The following CNST variants were observed in gnomAD, a reference collection of about 807,000 sequenced individuals.
CNST encodes the protein consortin.
A neutral mutation model predicts 72.4 loss-of-function variants in CNST; 39 were observed. The observed-to-expected ratio is 0.54, with a 90% CI of 0.42 to 0.70. CNST has a LOEUF of 0.70. Ranked by LOEUF, CNST falls within the 30% of genes least tolerant of loss-of-function variation. CNST has a pLI of 0.00. For missense variants in CNST, 871 were observed against 868.5 expected, an observed-to-expected ratio of 1.00 and a Z score of -0.04; for synonymous variants, 332 against 320.1, an observed-to-expected ratio of 1.04 and a Z score of -0.40.
intron 6 of CNST, among the ~76,000 whole-genome samples, chr1:246,634,862 G>A (rs1426626861): frequency 6.6e-6 from 1 of 152,114 alleles, no homozygotes; most frequent in Non-Finnish European, 1.5e-5. Flanking sequence ...GGACGGGGCA[G>A]GGGTTTTACA....
intron 2 of CNST, among the ~76,000 whole-genome samples, chr1:246,605,422 T>G (rs1167289824): frequency 6.6e-6 from 1 of 152,176 alleles, no homozygotes; most frequent in Non-Finnish European, 1.5e-5. Flanking sequence ...AAGGCTCTAA[T>G]ATCAGTTGGA....
intron 3 of CNST, among the ~76,000 whole-genome samples, chr1:246,629,796 A>G (rs1446627146): frequency 1.3e-5 from 2 of 152,242 alleles, no homozygotes; most frequent in African/African-American, 2.4e-5. Context: ...CAGTGGCGCA[A>G]TTTCGGCTCA....
At chr1:246,628,783 G>A (rs1006582909) in intron 3 of CNST, among the ~76,000 whole-genome samples, 2 of 152,152 alleles carry the variant, frequency 1.3e-5, no homozygotes, top group Admixed American at 6.5e-5. Flanking sequence ...TTGTGAGGGG[G>A]ACACAAAGAT....
At chr1:246,630,457 A>G (rs1033062547) in intron 3 of CNST, among the ~76,000 whole-genome samples, 19 of 152,222 alleles carry the variant, frequency 1.2e-4, no homozygotes, top group Admixed American at 9.2e-4. Context: ...ATATTAACTG[A>G]AAACTAATCA....
chr1:246,637,773 G>C (rs1290972122), intron 6 of CNST, among the ~76,000 whole-genome samples: 1 of 152,210 alleles, frequency 6.6e-6, no homozygotes, highest in Non-Finnish European at 1.5e-5. Context: ...GGATTGCATG[G>C]ATGTCCCAAT....
chr1:246,624,864 G>A lies in CNST; in HGVS notation c.585+3230G>A, dbSNP rs547958930. 7.2e-5 allele frequency among the ~76,000 whole-genome samples: 11 copies of A among 152,246 alleles called. No individual in the cohort carries two copies. In the South Asian group the frequency reaches 2.3e-3, roughly 32 times the overall value. ...AGATGGGGTTTCACCATGTTGCCCG[G>A]GCTGGTCTTTAACTCCTGATCTCAG... On this transcript the variant is annotated intron_variant, in intron 3 of 10. Coordinates refer to ENST00000366513, the MANE Select transcript of CNST (RefSeq NM_152609.3).
intron 6 of CNST, among the ~76,000 whole-genome samples, chr1:246,637,813 A>T (rs1665394238): frequency 6.6e-6 from 1 of 152,164 alleles, no homozygotes; most frequent in Admixed American, 6.5e-5. Context: ...TGTATACATG[A>T]TGAGAGTTTG....
Position 246,647,258 on chromosome 1 carries a change from G to T in CNST, c.1057G>T (p.Val353Leu). The T allele has an allele frequency of 1.9e-6, 3 of 1,614,188 alleles. No homozygotes were observed. The highest frequency in any genetic ancestry group is 2.7e-5 in the African/African-American group (2 of 75,064). The change falls in exon 9 of 11, where the codon GTA becomes TTA. Residue 353 changes from valine (V) to leucine (L), a missense_variant. Transcript: ENST00000366513. The stretch of plus-strand genomic sequence containing the variant: ...GCAAACAGATTCCCCAAGCCTTTCG[G>T]TAACTGCAGGAAAGGACCACATGGA... ...DVQTDSPSLS[V>L]TAGKDHMEEL...
intron 9 of CNST, among the ~76,000 whole-genome samples, chr1:246,658,139 A>G (rs780306301): frequency 3.3e-5 from 5 of 152,224 alleles, no homozygotes; most frequent in Admixed American, 1.3e-4. Context: ...GCCAGATTCA[A>G]GATCCTCTCC....
intron 1 of CNST, among the ~76,000 whole-genome samples, chr1:246,578,310 A>G (rs1327282234): frequency 6.6e-6 from 1 of 152,130 alleles, no homozygotes; most frequent in African/African-American, 2.4e-5. Flanking sequence ...GTGCTTTAAA[A>G]TAAGCTCTAA....
At chr1:246,622,319 G>C (rs556156947) in intron 3 of CNST, among the ~76,000 whole-genome samples, 1 of 152,204 alleles carries the variant, frequency 6.6e-6, no homozygotes, top group Non-Finnish European at 1.5e-5. Context: ...CGGTTCTATC[G>C]ATAAGTAAGT....
intron 2 of CNST, chr1:246,607,054 G>C (rs189053745): frequency 6.6e-5 from 10 of 152,066 alleles, no homozygotes; most frequent in Admixed American, 5.9e-4. Flanking sequence ...ACCAGGCTCC[G>C]GGGGGTAACC....
At chr1:246,611,797 T>C (rs1663332807) in intron 2 of CNST, among the ~76,000 whole-genome samples, 1 of 152,212 alleles carries the variant, frequency 6.6e-6, no homozygotes, top group African/African-American at 2.4e-5. Context: ...ATAGCAGCAT[T>C]ATTCACAGTA....
chr1:246,648,242 A>G, intron 9 of CNST: 3 of 1,339,548 alleles, frequency 2.2e-6, no homozygotes, highest in South Asian at 1.9e-5. Context: ...TGTTCATACT[A>G]CAAGATGTTC....
rs1286792035 is a variant in CNST at position 246,666,642 on chromosome 1, T to C, written c.*737T>C. Reference sequence around the variant, plus strand: ...GACAGATCTGTGTCAATTAACTTGATTAGCCAGAAATTAATCACAGGCCTA... The same window carrying C: ...GACAGATCTGTGTCAATTAACTTGACTAGCCAGAAATTAATCACAGGCCTA... On this transcript the variant is annotated 3_prime_UTR_variant, in exon 11 of 11. Transcript: ENST00000366513. 2 of 152,228 alleles carry C rather than the reference T, an allele frequency of 1.3e-5. No individual in the cohort carries two copies. The allele number at this position is 152,228 out of a possible 1,614,324, so 9.4% of individuals were successfully genotyped here.
Position 246,647,225 on chromosome 1 carries a change from A to G in CNST, c.1024A>G (p.Met342Val), listed in dbSNP as rs546070929. ...GGGGAGCAGTCCCTGCTGTCATCAG[A>G]TGGACGTGCAAACAGATTCCCCAAG... is the stretch of plus-strand genomic sequence containing the variant. Reference protein sequence around the residue: ...PLGSSPCCHQMDVQTDSPSLS... With the variant: ...PLGSSPCCHQVDVQTDSPSLS... Residue 342 changes from methionine to valine, a missense_variant, in exon 9 of 11, where the codon ATG (methionine) becomes GTG (valine). Physicochemically the swap from Met to Val is conservative, Grantham distance 21. Transcript: ENST00000366513. The G allele has an allele frequency of 2.5e-6, 4 of 1,614,164 alleles. No homozygotes were observed. In the African/African-American group the frequency reaches 4.0e-5, roughly 16 times the overall value.
intron 10 of CNST, among the ~76,000 whole-genome samples, chr1:246,662,432 C>A (rs928295898): frequency 6.6e-6 from 1 of 152,054 alleles, no homozygotes; most frequent in Non-Finnish European, 1.5e-5. Flanking sequence ...CTCTGTCGCC[C>A]GGCTGGAGTG....
intron 2 of CNST, among the ~76,000 whole-genome samples, chr1:246,598,305 GC>G (rs1253274237): frequency 1.3e-5 from 2 of 152,102 alleles, no homozygotes; most frequent in Non-Finnish European, 2.9e-5. Context: ...TTTCTGAGTG[GC>G]GTGACTGGGA....
At position 246,660,274 on chromosome 1, in the gene CNST, C is replaced by A; in HGVS notation, c.1912C>A (p.Gln638Lys). The A allele has an allele frequency of 1.2e-6, 2 of 1,613,954 alleles. No individual in the cohort carries two copies. The highest frequency in any genetic ancestry group is 1.6e-4 in the Middle Eastern group (1 of 6,062). ...DTVGDHPAQM[Q>K]HKPSKRRVRF... ...TGTAGGAGATCATCCTGCCCAAATG[C>A]AACACAAACCATCTAAGCGAAGAGT... The change falls in exon 10 of 11, where the codon CAA becomes AAA. Residue 638 changes from glutamine (Q) to lysine (K), a missense_variant. Physicochemically the swap from Gln to Lys is moderately conservative, Grantham distance 53 (BLOSUM62 1). Coordinates refer to ENST00000366513, the MANE Select transcript of CNST (RefSeq NM_152609.3).
Sources: allele counts gnomAD v4.1 joint callset (sites outside exome capture counted in the v4.1 genomes callset), GRCh38; gene constraint gnomAD v4.1.1; transcripts MANE v1.5; gene names NCBI Gene and HGNC (gene_info 2026-07-23, HGNC 2026-07-21).